The following DDX60 variants were observed in gnomAD, a reference collection of about 807,000 sequenced individuals.
The protein encoded by DDX60 is DExD/H-box helicase 60.
A neutral mutation model predicts 212.8 loss-of-function variants in DDX60; 165 were observed. The observed-to-expected ratio is 0.78, with a 90% CI of 0.68 to 0.88. The LOEUF (loss-of-function observed/expected upper bound fraction) is 0.88, where lower values mean the gene tolerates loss of function less well. Among genes scored for constraint, DDX60 ranks in the 40% least tolerant of loss-of-function variants. The probability of loss-of-function intolerance (pLI) is 0.00; values close to 1 mark genes in which losing one functional copy is unlikely to be tolerated. For missense variants in DDX60, 1,905 were observed against 2,003.9 expected (o/e 0.95, Z 0.94); for synonymous variants, 703 against 685.3 (o/e 1.03, Z -0.40).
chr4:168,291,144 G>A (rs997567621), intron 8 of DDX60, among the ~76,000 whole-genome samples: 1 of 151,862 alleles, frequency 6.6e-6, no homozygotes, highest in African/African-American at 2.4e-5. Flanking sequence ...AAGATAACTA[G>A]TAGCCATTAA....
At chr4:168,324,355 G>A in the DDX60 span, among the ~76,000 whole-genome samples, 1 of 151,970 alleles carries the variant, frequency 6.6e-6, no homozygotes, top group Non-Finnish European at 1.5e-5. Context: ...TCATGGACAA[G>A]TTATGGCCAT....
At chr4:168,323,788 T>C (rs1272781634), upstream of DDX60, among the ~76,000 whole-genome samples, 1 of 152,134 alleles carries the variant, frequency 6.6e-6, no homozygotes, top group Non-Finnish European at 1.5e-5. Flanking sequence ...CAAGATTATG[T>C]AACAGTGGAC....
chr4:168,239,413 GAGGT>G (rs1262829878), intron 30 of DDX60, among the ~76,000 whole-genome samples: 1 of 151,330 alleles, frequency 6.6e-6, no homozygotes. Context: ...TAGATAGATA[GAGGT>G]AGGTAGATGG....
intron 14 of DDX60, 141 bp downstream of exon 14, chr4:168,280,194 A>T (rs993852205): frequency 1.8e-6 from 2 of 1,117,320 alleles, no homozygotes; most frequent in Non-Finnish European, 2.5e-6. Context: ...GCGGGAAACT[A>T]TTGTAAAGGT....
rs1735176781 is a variant in DDX60, at chr4:168,273,195, T to C, written c.2574+84A>G. The C allele has an allele frequency of 3.0e-6, 4 of 1,316,280 alleles. No individual in the cohort carries two copies. In the East Asian group the frequency reaches 9.8e-5, roughly 32 times the overall value. 81.5% of individuals were successfully genotyped at this position (1,316,280 alleles called of 1,614,324 possible). A position where few individuals can be genotyped will look rare whatever the true frequency, so the allele number is the denominator to read the frequency against. On this transcript the variant is annotated intron_variant, in intron 18 of 37. Transcript: ENST00000393743. ...AAATAAATTATTTTCACAAGCCTTG[T>C]GAAGATGTTGAATTTCTAGTCAAAG...
At chr4:168,254,025 T>C (rs1433301528) in intron 26 of DDX60, among the ~76,000 whole-genome samples, 3 of 152,268 alleles carry the variant, frequency 2.0e-5, no homozygotes, top group Admixed American at 6.5e-5. Flanking sequence ...GCTCTGACTA[T>C]GGAAGGGCCT....
chr4:168,242,976 A>T (rs1159045895), intron 30 of DDX60, among the ~76,000 whole-genome samples: 1 of 152,176 alleles, frequency 6.6e-6, no homozygotes, highest in Non-Finnish European at 1.5e-5. Context: ...TGCTGTTCTC[A>T]TGATAACGAA....
chr4:168,263,865 T>C (rs1271869190), intron 22 of DDX60, among the ~76,000 whole-genome samples: 1 of 152,068 alleles, frequency 6.6e-6, no homozygotes, highest in Non-Finnish European at 1.5e-5. Flanking sequence ...GAGAGTATTC[T>C]TCAAAAAAGA....
At chr4:168,263,478 T>C (rs925516153) in intron 22 of DDX60, 5 of 152,170 alleles carry the variant, frequency 3.3e-5, no homozygotes, top group African/African-American at 1.2e-4. Context: ...CTCTGAGATG[T>C]TAATAGGAAT....
intron 13 of DDX60, among the ~76,000 whole-genome samples, chr4:168,282,943 G>A (rs894174707): frequency 6.6e-6 from 1 of 151,988 alleles, no homozygotes; most frequent in Non-Finnish European, 1.5e-5. Flanking sequence ...TCCCAAGAAG[G>A]AAAAAGGTAA....
At chr4:168,236,201 T>A in intron 33 of DDX60, 51 bp downstream of exon 33, 1 of 1,553,656 alleles carries the variant, frequency 6.4e-7, no homozygotes, top group Non-Finnish European at 8.8e-7. Flanking sequence ...TTAGGTAAGA[T>A]CTATTTAGTG....
At chr4:168,293,327 G>T (rs1409007907) in intron 7 of DDX60, among the ~76,000 whole-genome samples, 1 of 152,166 alleles carries the variant, frequency 6.6e-6, no homozygotes, top group Non-Finnish European at 1.5e-5. Context: ...TGCACAAGAT[G>T]GACCGGAGTT....
At chr4:168,220,086 T>C (rs1732996690) in intron 37 of DDX60, among the ~76,000 whole-genome samples, 1 of 151,094 alleles carries the variant, frequency 6.6e-6, no homozygotes, top group East Asian at 1.9e-4. Flanking sequence ...TAAGCAACAG[T>C]AGATGGTCAA....
chr4:168,256,278 T>C (rs1229526318), intron 25 of DDX60, among the ~76,000 whole-genome samples: 3 of 151,912 alleles, frequency 2.0e-5, no homozygotes, highest in African/African-American at 7.3e-5. Context: ...ACCACCCTTC[T>C]CTAAAAATGA....
chr4:168,300,308 G>A (rs1283582131), intron 6 of DDX60, among the ~76,000 whole-genome samples: 2 of 152,082 alleles, frequency 1.3e-5, no homozygotes, highest in South Asian at 2.1e-4. Context: ...TTGGGAGGTC[G>A]AGGTGGGCAG....
chr4:168,265,020 T>C (rs946928312), intron 22 of DDX60, among the ~76,000 whole-genome samples: 10 of 152,192 alleles, frequency 6.6e-5, no homozygotes, highest in African/African-American at 2.4e-4. Flanking sequence ...CAGAAACAGA[T>C]AGATAGCAGT....
At chr4:168,317,707 T>C (rs1034630377) in intron 1 of DDX60, among the ~76,000 whole-genome samples, 3 of 152,206 alleles carry the variant, frequency 2.0e-5, no homozygotes, top group Non-Finnish European at 2.9e-5. Flanking sequence ...GACTTCATCA[T>C]AGTAGACTCG....
chr4:168,236,078 G>T, intron 33 of DDX60, 174 bp downstream of exon 33: 1 of 508,240 alleles, frequency 2.0e-6, no homozygotes, highest in Non-Finnish European at 3.3e-6. Flanking sequence ...TAGATTTACA[G>T]AGGGAGACAT....
In DDX60 at chr4:168,251,026, T is replaced by C. The variant is rs752546886; in HGVS notation, c.3786A>G (p.Gly1262=). 1.2e-6 allele frequency: 2 copies of C among 1,612,582 alleles called. No homozygotes were observed. Among genetic ancestry groups the C allele is most frequent in the South Asian group, 2.2e-5 (2 of 90,998 alleles). The change falls in exon 28 of 38, where the codon GGA becomes GGG. Residue 1262 remains glycine (G), a synonymous_variant. Transcript: ENST00000393743. ...TGAAACTCATAGCACTGTGATGATA[T>C]CCAATACCCCTTTCTGCCAAGGCTT... is the stretch of plus-strand genomic sequence containing the variant. ...ELKALAERGI[G]YHHSAMSFKE...
Sources: gnomAD v4.1 joint callset for allele counts (sites outside exome capture counted in the v4.1 genomes callset) on GRCh38, gnomAD v4.1.1 for gene constraint, MANE v1.5 for transcripts, NCBI Gene and HGNC (gene_info 2026-07-23, HGNC 2026-07-21) for gene names.